The following ZNF718 variants were observed in gnomAD, a reference collection of about 807,000 sequenced individuals.
The protein encoded by ZNF718 is zinc finger protein 718.
In ZNF718, 3 loss-of-function variants were observed where a neutral mutation model predicts 2.6. The ratio of observed to expected loss-of-function variants is 1.16; its 90% confidence interval spans 0.53 to 3.01. The LOEUF is 3.01. Among genes scored for constraint, ZNF718 ranks in the 30% most tolerant of loss-of-function variants. The pLI is 0.03. For synonymous variants in ZNF718, 135 were observed against 77.9 expected, an observed-to-expected ratio of 1.73 and a Z score of -3.86; for missense variants, 468 against 230.0, an observed-to-expected ratio of 2.03 and a Z score of -6.69.
At chr4:193,878 T>G (rs1717741313) in intron 3 of ZNF718, among the ~76,000 whole-genome samples, 1 of 152,194 alleles carries the variant, frequency 6.6e-6, no homozygotes, top group Admixed American at 6.5e-5. Flanking sequence ...TTACAGTGAT[T>G]CCCTTGACAT....
intron 3 of ZNF718, among the ~76,000 whole-genome samples, chr4:196,980 T>C (rs1717804089): frequency 6.7e-6 from 1 of 149,740 alleles, no homozygotes; most frequent in South Asian, 2.1e-4. Flanking sequence ...CGGGTCTTTG[T>C]TCTTAGAGCT....
At chr4:189,179 A>G (rs543679552) in intron 3 of ZNF718, among the ~76,000 whole-genome samples, 89 of 146,550 alleles carry the variant, frequency 6.1e-4, no homozygotes, top group African/African-American at 2.1e-3. Flanking sequence ...TCCTGCCTCA[A>G]CCTCCCGAGA....
chr4:161,341 G>C lies in ZNF718; in HGVS notation c.656G>C (p.Arg219Thr). 1.3e-6 allele frequency: 1 copy of C among 780,084 alleles called. No homozygotes were observed. The highest frequency in any genetic ancestry group is 1.7e-5 in the African/African-American group (1 of 59,158). The allele number at this position is 780,084 out of a possible 1,614,324, so 48.3% of individuals were successfully genotyped here. Residue 219 changes from arginine (R) to threonine (T), a missense_variant, in exon 4 of 4, where the codon AGA becomes ACA. Physicochemically the swap from Arg to Thr is moderately conservative, Grantham distance 71. Coordinates refer to ENST00000510175, the MANE Select transcript of ZNF718 (RefSeq NM_001039127.6). Reference sequence around the variant, plus strand: ...TCCTCAATTCTTACTAAACATAAGAGAATTCATGCCAGAGAGAAATTCTAC... The same window carrying C: ...TCCTCAATTCTTACTAAACATAAGACAATTCATGCCAGAGAGAAATTCTAC... ...NWSSILTKHK[R>T]IHAREKFYKC...
chr4:163,669 C>T lies in ZNF718; in HGVS notation c.*1547C>T, dbSNP rs1553816136. On this transcript the variant is annotated 3_prime_UTR_variant, in exon 4 of 4. Coordinates refer to ENST00000510175, the MANE Select transcript of ZNF718 (RefSeq NM_001039127.6). ...AGTTGCACATTTATGTAATAAAATA[C>T]AGTAAATTTTAAAATTCTCTTTTAA... The T allele has an allele frequency of 6.6e-6, 1 of 151,970 alleles. No individual in the cohort carries two copies. Among genetic ancestry groups the T allele is most frequent in the Non-Finnish European group, 1.5e-5 (1 of 67,992 alleles). 9.4% of individuals were successfully genotyped at this position (151,970 alleles called of 1,614,324 possible). A position where few individuals can be genotyped will look rare whatever the true frequency, so the allele number is the denominator to read the frequency against.
chr4:128,873 A>G lies in ZNF718; in HGVS notation c.4-1915A>G, dbSNP rs1715294333. On this transcript the variant is annotated intron_variant, in intron 1 of 3. Coordinates refer to ENST00000510175, the MANE Select transcript of ZNF718 (RefSeq NM_001039127.6). ...ATGAGGAATCTGGAGACTCAAACTG[A>G]TCAATAAGCTAATTGCTTCTATTTC... 1.9e-5 allele frequency among the ~76,000 whole-genome samples: 2 copies of G among 104,376 alleles called. 1 individual carries two copies. Among genetic ancestry groups the G allele is most frequent in the African/African-American group, 6.7e-5 (2 of 30,028 alleles). The allele number at this position is 104,376 out of a possible 152,430, so 68.5% of individuals were successfully genotyped here.
At chr4:145,719 A>T (rs972427400) in intron 3 of ZNF718, among the ~76,000 whole-genome samples, 2 of 152,136 alleles carry the variant, frequency 1.3e-5, no homozygotes, top group African/African-American at 4.8e-5. Flanking sequence ...TGGCCTCTCC[A>T]AGTGCTAGGA....
chr4:201,084 A>G lies in ZNF718; in HGVS notation c.230A>G (p.His77Arg), dbSNP rs1315183551. The G allele has an allele frequency of 4.6e-5, 7 of 152,222 alleles. No individual in the cohort carries two copies. In the South Asian group the frequency reaches 1.0e-3, roughly 22 times the overall value. 9.4% of individuals were successfully genotyped at this position (152,222 alleles called of 1,614,324 possible). ...AGCACTTGAATCCTTTCCCCAGGTC[A>G]CTACAGGAAAAGATATCTTCATTAA... is the stretch of plus-strand genomic sequence containing the variant. Residue 77 changes from histidine (H) to arginine (R), a missense_variant and NMD_transcript_variant, in exon 4 of 5, where the codon CAC (histidine) becomes CGC (arginine). By Grantham distance (29) the His-to-Arg change is conservative. Coordinates refer to the ZNF718 transcript ENST00000642529.
upstream of ZNF718, chr4:124,482 G>A (rs1715098093): frequency 1.4e-6 from 1 of 691,600 alleles, no homozygotes; most frequent in Non-Finnish European, 2.5e-6. Context: ...AGGAGGGTGC[G>A]GCATCCGGGA....
rs185267690 is a variant in ZNF718 at position 196,021 on chromosome 4, C to T, written c.227-5060C>T. Among the ~76,000 whole-genome samples the T allele has an allele frequency of 4.0e-5, 6 of 151,718 alleles. No individual in the cohort carries two copies. In the East Asian group the frequency reaches 9.7e-4, roughly 25 times the overall value. ...CTTCTCTTTCCTCTCTCTCTCTCCCCTCTCTCTCTCCCTCTCTCTCCCTCT... is the reference window on the plus strand; with the variant it reads ...CTTCTCTTTCCTCTCTCTCTCTCCCTTCTCTCTCTCCCTCTCTCTCCCTCT... On this transcript the variant is annotated intron_variant and NMD_transcript_variant, in intron 3 of 4. Transcript: ENST00000642529.
At chr4:164,885 C>T (rs74720064), downstream of ZNF718, among the ~76,000 whole-genome samples, 2,679 of 152,154 alleles carry the variant, frequency 0.018, 78 homozygotes, top group African/African-American at 0.061. Context: ...ATAGCTGCTC[C>T]ATAATTAGGT....
chr4:192,606 C>T (rs1717714903), intron 3 of ZNF718, among the ~76,000 whole-genome samples: 1 of 152,164 alleles, frequency 6.6e-6, no homozygotes, highest in Non-Finnish European at 1.5e-5. Context: ...CAACTCTTAA[C>T]TGCTATCTGC....
At chr4:192,101 C>G (rs1717704055) in intron 3 of ZNF718, among the ~76,000 whole-genome samples, 1 of 152,178 alleles carries the variant, frequency 6.6e-6, no homozygotes, top group Non-Finnish European at 1.5e-5. Context: ...AGTGGACACC[C>G]TGCTGGATCC....
At chr4:194,886 C>T (rs1442343216) in intron 3 of ZNF718, among the ~76,000 whole-genome samples, 1 of 152,188 alleles carries the variant, frequency 6.6e-6, no homozygotes, top group Non-Finnish European at 1.5e-5. Context: ...CCTAGGGCAT[C>T]CTTTATGGTC....
At chr4:142,178 C>A in intron 3 of ZNF718, 1 of 361,522 alleles carries the variant, frequency 2.8e-6, no homozygotes, top group Non-Finnish European at 5.7e-6. Context: ...GAGATTTCTC[C>A]CAAGAAGATG....
intron 3 of ZNF718, among the ~76,000 whole-genome samples, chr4:184,956 G>C (rs1210038203): frequency 1.3e-5 from 2 of 151,972 alleles, no homozygotes; most frequent in African/African-American, 4.8e-5. Flanking sequence ...AAAAGCTCCT[G>C]GATTTGTTGA....
intron 3 of ZNF718, among the ~76,000 whole-genome samples, chr4:173,441 C>T (rs181853887): frequency 6.6e-6 from 1 of 152,084 alleles, no homozygotes; most frequent in Admixed American, 6.6e-5. Flanking sequence ...GTTTATAAAA[C>T]TTTAAATTTT....
At chr4:167,880 A>G (rs1299395719), downstream of ZNF718, among the ~76,000 whole-genome samples, 1 of 152,154 alleles carries the variant, frequency 6.6e-6, no homozygotes, top group Non-Finnish European at 1.5e-5. Context: ...AGAACTTCCA[A>G]TACTGTGTTG....
At chr4:170,742 A>ATATTTTT (rs1717206682) in intron 3 of ZNF718, among the ~76,000 whole-genome samples, 1 of 151,930 alleles carries the variant, frequency 6.6e-6, no homozygotes, top group Admixed American at 6.6e-5. Flanking sequence ...CTAGTTAGCC[A>ATATTTTT]TTCGTCTAAT....
Position 131,009 on chromosome 4 carries a change from A to C in ZNF718, c.130+95A>C, listed in dbSNP as rs1715336843. 3.4e-5 allele frequency: 8 copies of C among 234,526 alleles called. 3 individuals are homozygous for C. Among genetic ancestry groups the C allele is most frequent in the Non-Finnish European group, 5.4e-5 (7 of 128,738 alleles). The allele number at this position is 234,526 out of a possible 1,614,324, so 14.5% of individuals were successfully genotyped here. ...CTCTTGAGAGCTTCTGCTTTGCATG[A>C]ATTAATTTCAGTTCCTTCACGAAAA... is the stretch of plus-strand genomic sequence containing the variant. On this transcript the variant is annotated intron_variant, in intron 2 of 3. Transcript: ENST00000510175.
Sources: allele counts gnomAD v4.1 joint callset (sites outside exome capture counted in the v4.1 genomes callset), GRCh38; gene constraint gnomAD v4.1.1; transcripts MANE v1.5; gene names NCBI Gene and HGNC (gene_info 2026-07-23, HGNC 2026-07-21).